Variants in SPHKAP observed in about 807,000 individuals in gnomAD.
SPHKAP encodes SPHK1 interactor, AKAP domain containing.
Under a neutral mutation model 137.5 loss-of-function variants are expected in SPHKAP, and 67 were observed. The observed-to-expected ratio is 0.49, with a 90% CI of 0.40 to 0.60. SPHKAP has a LOEUF of 0.60. Among genes scored for constraint, SPHKAP ranks in the 20% least tolerant of loss-of-function variants. The probability of loss-of-function intolerance (pLI) is 0.00; values close to 1 mark genes in which losing one functional copy is unlikely to be tolerated. For synonymous variants in SPHKAP, 813 were observed against 785.3 expected (o/e 1.04, Z -0.59); for missense variants, 2,097 against 2,069.3 (o/e 1.01, Z -0.26).
intron 1 of SPHKAP, among the ~76,000 whole-genome samples, chr2:228,163,441 A>G (rs1700333928): frequency 6.6e-6 from 1 of 152,202 alleles, no homozygotes; most frequent in Non-Finnish European, 1.5e-5. Flanking sequence ...TTCACTATGC[A>G]AGATGCAGAC....
At chr2:228,084,500 G>GT (rs2106318916) in intron 3 of SPHKAP, among the ~76,000 whole-genome samples, 1 of 152,186 alleles carries the variant, frequency 6.6e-6, no homozygotes, top group African/African-American at 2.4e-5. Context: ...AATGGTATAA[G>GT]TTTTGTTTTG....
At chr2:228,163,496 T>C (rs952605157) in intron 1 of SPHKAP, among the ~76,000 whole-genome samples, 9 of 152,186 alleles carry the variant, frequency 5.9e-5, no homozygotes, top group African/African-American at 1.9e-4. Context: ...CCTCATCTTA[T>C]CTGCATATTC....
chr2:228,168,789 A>G (rs149098890), intron 1 of SPHKAP, among the ~76,000 whole-genome samples: 68 of 152,302 alleles, frequency 4.5e-4, no homozygotes, highest in African/African-American at 1.5e-3. Context: ...AGGAAGGGAT[A>G]TTGAAAGCTG....
At chr2:228,124,834 T>A (rs967121707) in intron 2 of SPHKAP, among the ~76,000 whole-genome samples, 3 of 152,186 alleles carry the variant, frequency 2.0e-5, no homozygotes, top group African/African-American at 7.2e-5. Context: ...ATTAATTACA[T>A]CTTATCAAAA....
intron 3 of SPHKAP, among the ~76,000 whole-genome samples, chr2:228,090,524 T>C (rs1372676047): frequency 1.3e-5 from 2 of 152,162 alleles, no homozygotes; most frequent in African/African-American, 2.4e-5. Context: ...CATTTTTCAA[T>C]GTGAGAAGGA....
At chr2:228,062,731 CA>C (rs1324199659) in intron 3 of SPHKAP, among the ~76,000 whole-genome samples, 1 of 151,872 alleles carries the variant, frequency 6.6e-6, no homozygotes, top group Non-Finnish European at 1.5e-5. Flanking sequence ...TTAAAAGAAA[CA>C]AAACAAAATC....
chr2:228,111,824 G>C (rs1574859310), intron 2 of SPHKAP, among the ~76,000 whole-genome samples: 1 of 151,990 alleles, frequency 6.6e-6, no homozygotes, highest in African/African-American at 2.4e-5. Context: ...TTACAGAAGA[G>C]GGCTGTCTTA....
intron 3 of SPHKAP, among the ~76,000 whole-genome samples, chr2:228,086,495 C>G (rs766693907): frequency 2.6e-5 from 4 of 152,116 alleles, no homozygotes; most frequent in Non-Finnish European, 5.9e-5. Context: ...ACTAAATTCT[C>G]AATGAGTGAA....
chr2:228,011,443 C>G (rs1429282574), intron 7 of SPHKAP, among the ~76,000 whole-genome samples: 1 of 152,224 alleles, frequency 6.6e-6, no homozygotes, highest in African/African-American at 2.4e-5. Flanking sequence ...AGGGCAAGCA[C>G]AGAGTCAGCT....
rs1346898468 is a variant in SPHKAP, at chr2:228,063,162, A to ATCTGTCTG, written c.247-35620_247-35619insCAGACAGA. On this transcript the variant is annotated intron_variant, in intron 3 of 11. Coordinates refer to ENST00000392056, the MANE Select transcript of SPHKAP (RefSeq NM_001142644.2). ...TAGATCCCTATCTATCTATCTATCT[A>ATCTGTCTG]TCTATCTATCTATCTGTCTGTCTGT... 1.2e-3 allele frequency among the ~76,000 whole-genome samples: 166 copies of ATCTGTCTG among 144,100 alleles called. 1 individual carries two copies. Among genetic ancestry groups the ATCTGTCTG allele is most frequent in the African/African-American group, 4.2e-3 (152 of 36,342 alleles). The allele number at this position is 144,100 out of a possible 152,430, so 94.5% of individuals were successfully genotyped here. A position where few individuals can be genotyped will look rare whatever the true frequency, so the allele number is the denominator to read the frequency against.
At chr2:227,989,786 T>G (rs398088971) in intron 11 of SPHKAP, among the ~76,000 whole-genome samples, 59 of 146,730 alleles carry the variant, frequency 4.0e-4, no homozygotes, top group African/African-American at 9.5e-4. Flanking sequence ...TTGTTTTTTT[T>G]TTTTTTTTTA....
intron 3 of SPHKAP, among the ~76,000 whole-genome samples, chr2:228,049,061 T>C (rs1047196324): frequency 4.6e-5 from 7 of 152,108 alleles, no homozygotes; most frequent in African/African-American, 1.4e-4. Flanking sequence ...TCCTATTGAT[T>C]GTGTAAATTA....
chr2:228,099,620 C>T (rs541581326), intron 3 of SPHKAP, among the ~76,000 whole-genome samples: 7 of 152,078 alleles, frequency 4.6e-5, no homozygotes, highest in East Asian at 1.9e-4. Context: ...TTGGGCAGTA[C>T]GGCCATTTTA....
chr2:228,013,568 A>C (rs935332520), intron 7 of SPHKAP, among the ~76,000 whole-genome samples: 1 of 152,150 alleles, frequency 6.6e-6, no homozygotes, highest in Non-Finnish European at 1.5e-5. Context: ...TTTCGGAAAA[A>C]ATTTCCTGGA....
chr2:228,085,974 T>C (rs1409206217), intron 3 of SPHKAP, among the ~76,000 whole-genome samples: 2 of 152,192 alleles, frequency 1.3e-5, no homozygotes, highest in Non-Finnish European at 2.9e-5. Flanking sequence ...ACACTACCTC[T>C]AACAGAAGAC....
chr2:228,080,076 T>C (rs1464341883), intron 3 of SPHKAP, among the ~76,000 whole-genome samples: 3 of 152,116 alleles, frequency 2.0e-5, no homozygotes, highest in South Asian at 2.1e-4. Flanking sequence ...ATGTTTTTTT[T>C]TTTATATGAA....
chr2:228,084,201 G>A (rs1474667120), intron 3 of SPHKAP, among the ~76,000 whole-genome samples: 1 of 151,924 alleles, frequency 6.6e-6, no homozygotes, highest in Non-Finnish European at 1.5e-5. Context: ...TCAAAGGAAT[G>A]ACTGGAAAAT....
chr2:228,065,905 T>C (rs1696813241), intron 3 of SPHKAP, among the ~76,000 whole-genome samples: 1 of 152,156 alleles, frequency 6.6e-6, no homozygotes, highest in Non-Finnish European at 1.5e-5. Flanking sequence ...TCAACAAAAT[T>C]ATCATGAGTC....
At chr2:228,154,532 A>ATTTTTTT (rs1168623467) in intron 1 of SPHKAP, among the ~76,000 whole-genome samples, 1 of 29,404 alleles carries the variant, frequency 3.4e-5, no homozygotes, top group Non-Finnish European at 5.8e-5. Flanking sequence ...ATATATATAT[A>ATTTTTTT]TTTTTTTTTT....
Sources: gnomAD v4.1 joint callset for allele counts (sites outside exome capture counted in the v4.1 genomes callset) on GRCh38, gnomAD v4.1.1 for gene constraint, MANE v1.5 for transcripts, NCBI Gene and HGNC (gene_info 2026-07-23, HGNC 2026-07-21) for gene names.